Variants in ARMC2 observed in about 807,000 individuals in gnomAD.
ARMC2 encodes armadillo repeat containing 2, also known as armadillo repeat-containing protein 2.
Under a neutral mutation model 90.3 loss-of-function variants are expected in ARMC2, and 67 were observed. That is an observed-to-expected ratio of 0.74 (90% CI 0.61 to 0.91). The LOEUF (loss-of-function observed/expected upper bound fraction) is 0.91. Among genes scored for constraint, ARMC2 ranks in the 40% least tolerant of loss-of-function variants. The pLI, the probability that ARMC2 is intolerant of heterozygous loss-of-function variation, is 0.00. For missense variants in ARMC2, 920 were observed against 1,030.9 expected (o/e 0.89, Z 1.47); for synonymous variants, 393 against 393.0 (o/e 1.00, Z 0.00).
In ARMC2 at chr6:108,854,412, C is replaced by T. The variant is rs770922717; in HGVS notation, c.145C>T (p.Gln49Ter). The change falls in exon 2 of 18, where the codon CAG becomes TAG. Residue 49 changes from glutamine to a stop codon, truncating the protein, a stop_gained. Transcript: ENST00000392644. LOFTEE classifies it high-confidence loss of function. ...TAGAACCCAAAGACCATTTACACCA[C>T]AGGAGGCTCAAAGAAAACTATTCGG... The part of the protein sequence containing the change: ...TVRTQRPFTP[Q>*]EAQRKLFGPA... 1 of 1,613,496 alleles carries T rather than the reference C, an allele frequency of 6.2e-7. No homozygotes were observed. Among genetic ancestry groups the T allele is most frequent in the Admixed American group, 1.7e-5 (1 of 59,986 alleles).
chr6:108,992,110 AT>A, the ARMC2 span, among the ~76,000 whole-genome samples: 1 of 151,626 alleles, frequency 6.6e-6, no homozygotes, highest in African/African-American at 2.4e-5. Flanking sequence ...CTTATTTATT[AT>A]TTTTTGAGAC....
intron 12 of ARMC2, among the ~76,000 whole-genome samples, chr6:108,949,294 A>G (rs1467358920): frequency 6.6e-6 from 1 of 152,212 alleles, no homozygotes; most frequent in Non-Finnish European, 1.5e-5. Flanking sequence ...TAGATTGTAA[A>G]AGATACTGTG....
chr6:109,009,046 A>C, the ARMC2 span: 4 of 971,644 alleles, frequency 4.1e-6, no homozygotes, highest in Non-Finnish European at 5.1e-6. Context: ...CCAGACGACA[A>C]TGTTATTTAC....
intron 11 of ARMC2, among the ~76,000 whole-genome samples, chr6:108,931,451 G>T (rs749909317): frequency 1.1e-4 from 17 of 151,868 alleles, no homozygotes; most frequent in Non-Finnish European, 1.8e-4. Context: ...TAATAGGATT[G>T]CTGGGTTAAA....
At chr6:108,882,367 A>T (rs1777675966) in intron 5 of ARMC2, among the ~76,000 whole-genome samples, 1 of 150,850 alleles carries the variant, frequency 6.6e-6, no homozygotes, top group South Asian at 2.1e-4. Flanking sequence ...TGAACCCGGG[A>T]GGCAGAGCTT....
At chr6:108,951,281 A>G (rs1260864962) in intron 12 of ARMC2, among the ~76,000 whole-genome samples, 2 of 152,174 alleles carry the variant, frequency 1.3e-5, no homozygotes, top group Non-Finnish European at 2.9e-5. Context: ...GAAGCTCTTC[A>G]TAGCACTGAC....
intron 12 of ARMC2, among the ~76,000 whole-genome samples, chr6:108,940,308 G>A (rs748910445): frequency 6.7e-4 from 102 of 152,120 alleles, no homozygotes; most frequent in African/African-American, 2.3e-3. Context: ...GGTTAACTGC[G>A]GAGGTTTAAT....
At chr6:108,918,367 G>A (rs542303089) in intron 10 of ARMC2, among the ~76,000 whole-genome samples, 4 of 152,274 alleles carry the variant, frequency 2.6e-5, no homozygotes, top group South Asian at 4.1e-4. Context: ...ATAGGCGAGC[G>A]AGGGGTGTGA....
the ARMC2 span, among the ~76,000 whole-genome samples, chr6:108,984,183 A>C: frequency 6.6e-6 from 1 of 152,164 alleles, no homozygotes; most frequent in African/African-American, 2.4e-5. Context: ...GGTCCATGGA[A>C]AAACTGTCTT....
chr6:108,964,050 T>C, intron 15 of ARMC2, 130 bp from the exon 16 acceptor site: 1 of 959,414 alleles, frequency 1.0e-6, no homozygotes, highest in East Asian at 2.6e-5. Flanking sequence ...TTAGGAAGAA[T>C]GAGTTAAGTC....
the ARMC2 span, among the ~76,000 whole-genome samples, chr6:109,007,036 A>G: frequency 6.6e-6 from 1 of 152,202 alleles, no homozygotes; most frequent in African/African-American, 2.4e-5. Flanking sequence ...GCTCTCTGTG[A>G]AGGTGTGGCT....
chr6:108,959,250 A>G (rs1264233964), intron 13 of ARMC2, among the ~76,000 whole-genome samples: 1 of 152,152 alleles, frequency 6.6e-6, no homozygotes, highest in Non-Finnish European at 1.5e-5. Context: ...TCCTTTCAAC[A>G]TAGTAATTTA....
At chr6:109,040,646 A>AT in the ARMC2 span, among the ~76,000 whole-genome samples, 2 of 151,408 alleles carry the variant, frequency 1.3e-5, 1 homozygote, top group South Asian at 4.2e-4. Flanking sequence ...TATGTGACAA[A>AT]CTAGCATAAT....
At chr6:108,856,939 T>C (rs1372391503) in intron 2 of ARMC2, among the ~76,000 whole-genome samples, 1 of 152,258 alleles carries the variant, frequency 6.6e-6, no homozygotes, top group African/African-American at 2.4e-5. Flanking sequence ...GTCTTTTCTT[T>C]CACCAGTACT....
the ARMC2 span, among the ~76,000 whole-genome samples, chr6:109,034,741 TCTTCGTCTGTCTGA>T: frequency 6.6e-6 from 1 of 152,188 alleles, no homozygotes; most frequent in Admixed American, 6.5e-5. Flanking sequence ...CCCAGTAAAT[TCTTCGTCTGTCTGA>T]AATGTGGATG....
the ARMC2 span, among the ~76,000 whole-genome samples, chr6:109,042,006 G>C: frequency 6.6e-6 from 1 of 152,060 alleles, no homozygotes; most frequent in Non-Finnish European, 1.5e-5. Context: ...TGTGTTCTCT[G>C]ATCATAACGA....
At chr6:109,041,020 G>T in the ARMC2 span, among the ~76,000 whole-genome samples, 1 of 151,818 alleles carries the variant, frequency 6.6e-6, no homozygotes, top group East Asian at 1.9e-4. Flanking sequence ...CAAATTGCAG[G>T]CCAGGCACAG....
chr6:108,907,931 G>A, intron 8 of ARMC2: 1 of 1,457,444 alleles, frequency 6.9e-7, no homozygotes, highest in Non-Finnish European at 9.4e-7. Context: ...TATTTTCTGG[G>A]GGTTTTAAAC....
downstream of ARMC2, among the ~76,000 whole-genome samples, chr6:108,975,634 A>T (rs536280942): frequency 6.6e-6 from 1 of 152,142 alleles, no homozygotes; most frequent in Non-Finnish European, 1.5e-5. Flanking sequence ...GTGTAAAAGC[A>T]TTCCTATTTC....
Sources: allele counts gnomAD v4.1 joint callset (sites outside exome capture counted in the v4.1 genomes callset), GRCh38; gene constraint gnomAD v4.1.1; transcripts MANE v1.5; gene names NCBI Gene and HGNC (gene_info 2026-07-23, HGNC 2026-07-21).